LEKR1: variants seen among roughly 807,000 people sequenced by gnomAD.
LEKR1 encodes the protein leucine, glutamate and lysine rich 1.
LEKR1 carries 59 observed loss-of-function variants against 72.4 expected under a neutral mutation model. The ratio of observed to expected loss-of-function variants is 0.82; its 90% confidence interval spans 0.66 to 1.01. The LOEUF (loss-of-function observed/expected upper bound fraction) is 1.01. Among genes scored for constraint, LEKR1 ranks in the 50% least tolerant of loss-of-function variants. LEKR1 has a pLI of 0.00. For synonymous variants in LEKR1, 257 were observed against 263.2 expected, an observed-to-expected ratio of 0.98 and a Z score of 0.23; for missense variants, 728 against 759.2, an observed-to-expected ratio of 0.96 and a Z score of 0.48.
intron 2 of LEKR1, 55 bp from the exon 3 acceptor site, chr3:156,852,713 G>T: frequency 1.2e-6 from 1 of 851,554 alleles, no homozygotes; most frequent in South Asian, 1.9e-5. Context: ...ATCTTCAGTT[G>T]AACTTGTTTT....
chr3:156,962,359 A>G (rs1193523472), intron 6 of LEKR1, among the ~76,000 whole-genome samples: 3 of 152,236 alleles, frequency 2.0e-5, no homozygotes, highest in East Asian at 3.9e-4. Flanking sequence ...TTTTAGTTGT[A>G]TTAAATCCAA....
At chr3:156,868,438 A>G (rs1323307127) in intron 3 of LEKR1, among the ~76,000 whole-genome samples, 5 of 151,990 alleles carry the variant, frequency 3.3e-5, no homozygotes, top group Non-Finnish European at 7.4e-5. Context: ...AATGTATCTT[A>G]CCTACTGCCA....
intron 2 of LEKR1, among the ~76,000 whole-genome samples, chr3:156,834,712 TA>T: frequency 6.6e-6 from 1 of 152,314 alleles, no homozygotes; most frequent in East Asian, 1.9e-4. Context: ...AGATCTTACC[TA>T]AAATCTAATG....
At chr3:156,843,528 A>G (rs951404417) in intron 2 of LEKR1, among the ~76,000 whole-genome samples, 5 of 152,152 alleles carry the variant, frequency 3.3e-5, no homozygotes. Context: ...TAGCGATACA[A>G]GGGCTAGAGA....
intron 12 of LEKR1, among the ~76,000 whole-genome samples, chr3:157,036,539 T>C (rs1441272685): frequency 6.6e-6 from 1 of 152,154 alleles, no homozygotes; most frequent in Non-Finnish European, 1.5e-5. Context: ...TCAAAAATGA[T>C]ACTACCCTGG....
intron 3 of LEKR1, among the ~76,000 whole-genome samples, chr3:156,880,203 A>T (rs1273789125): frequency 6.6e-6 from 1 of 152,226 alleles, no homozygotes; most frequent in Non-Finnish European, 1.5e-5. Flanking sequence ...GCAAAGCCAC[A>T]GGGGCGGAGC....
chr3:157,006,656 T>G (rs1732462042), intron 9 of LEKR1, among the ~76,000 whole-genome samples: 1 of 152,184 alleles, frequency 6.6e-6, no homozygotes, highest in Non-Finnish European at 1.5e-5. Flanking sequence ...ATCTGTACAA[T>G]GGACTACTAC....
intron 12 of LEKR1, among the ~76,000 whole-genome samples, chr3:157,038,771 AAGTT>A (rs1320680712): frequency 6.6e-6 from 1 of 152,218 alleles, no homozygotes; most frequent in African/African-American, 2.4e-5. Context: ...GAATTTTAGA[AAGTT>A]AGTAAGTACA....
At chr3:156,853,204 T>C in intron 3 of LEKR1, 1 of 288,288 alleles carries the variant, frequency 3.5e-6, no homozygotes, top group Non-Finnish European at 6.2e-6. Context: ...ACCAATTAAT[T>C]TAGTAACCAC....
chr3:156,903,743 G>A (rs1041732291), intron 3 of LEKR1, among the ~76,000 whole-genome samples: 1 of 152,196 alleles, frequency 6.6e-6, no homozygotes, highest in Non-Finnish European at 1.5e-5. Flanking sequence ...AGCAGGAAAA[G>A]TGGTTGTCCA....
At chr3:156,883,014 A>C (rs373791706) in intron 3 of LEKR1, among the ~76,000 whole-genome samples, 4 of 135,986 alleles carry the variant, frequency 2.9e-5, no homozygotes, top group African/African-American at 1.1e-4. Flanking sequence ...GGTTGGGGGG[A>C]GGGGGGAGAG....
intron 3 of LEKR1, among the ~76,000 whole-genome samples, chr3:156,896,007 A>C (rs1300074456): frequency 6.6e-6 from 1 of 152,246 alleles, no homozygotes; most frequent in African/African-American, 2.4e-5. Flanking sequence ...GTGCACGTAC[A>C]CTGTGGAATA....
intron 9 of LEKR1, among the ~76,000 whole-genome samples, chr3:156,997,425 G>A (rs1731668937): frequency 2.6e-5 from 4 of 152,222 alleles, no homozygotes; most frequent in Admixed American, 6.5e-5. Flanking sequence ...AAAAGAAGCA[G>A]CTGGGCTCAG....
intron 7 of LEKR1, among the ~76,000 whole-genome samples, chr3:156,980,995 AT>A (rs1730149131): frequency 6.6e-6 from 1 of 152,182 alleles, no homozygotes; most frequent in Non-Finnish European, 1.5e-5. Flanking sequence ...AATACCGTAT[AT>A]TTACTGTACC....
chr3:156,938,517 C>T lies in LEKR1; in HGVS notation c.560-4012C>T, dbSNP rs540723860. ...TCAGCCTCCAAAGTAGCTGGGACTA[C>T]AGGCGCATGCCACCACCCTCGGCTA... On this transcript the variant is annotated intron_variant, in intron 5 of 12. Coordinates refer to ENST00000356539, the MANE Select transcript of LEKR1 (RefSeq NM_001004316.3). Among the ~76,000 whole-genome samples the T allele has an allele frequency of 6.6e-5, 10 of 152,214 alleles. No homozygotes were observed. The South Asian group carries it at 1.5e-3, about 22-fold the overall frequency.
chr3:156,828,172 C>CA (rs1711884748), intron 1 of LEKR1, among the ~76,000 whole-genome samples: 1 of 152,232 alleles, frequency 6.6e-6, no homozygotes, highest in Non-Finnish European at 1.5e-5. Context: ...AACAGCAACT[C>CA]ACTGAAATGA....
intron 7 of LEKR1, chr3:156,979,897 C>G (rs947327951): frequency 1.3e-5 from 2 of 152,102 alleles, no homozygotes; most frequent in Non-Finnish European, 2.9e-5. Context: ...TCCTGTAGTC[C>G]CAGCTACTCG....
intron 3 of LEKR1, among the ~76,000 whole-genome samples, chr3:156,858,079 T>C (rs1716289805): frequency 6.6e-6 from 1 of 152,176 alleles, no homozygotes; most frequent in Admixed American, 6.5e-5. Flanking sequence ...TCTTTTTGAG[T>C]CAGTTTTGGA....
intron 6 of LEKR1, among the ~76,000 whole-genome samples, chr3:156,952,660 C>G (rs1045740147): frequency 4.0e-5 from 6 of 151,416 alleles, no homozygotes; most frequent in African/African-American, 1.2e-4. Context: ...CAATATTTGT[C>G]TGAAATACAA....
Sources: allele counts gnomAD v4.1 joint callset (sites outside exome capture counted in the v4.1 genomes callset), GRCh38; gene constraint gnomAD v4.1.1; transcripts MANE v1.5; gene names NCBI Gene and HGNC (gene_info 2026-07-23, HGNC 2026-07-21).